Variants in WDPCP observed in about 807,000 individuals in gnomAD.
WDPCP encodes the protein WD repeat containing planar cell polarity effector.
A neutral mutation model predicts 93.1 loss-of-function variants in WDPCP; 71 were observed. The observed-to-expected ratio is 0.76, with a 90% confidence interval of 0.63 to 0.93. The LOEUF (loss-of-function observed/expected upper bound fraction) is 0.93, where lower values mean the gene tolerates loss of function less well. WDPCP is among the 40% of genes least tolerant of loss of function. The pLI is 0.00. For synonymous variants in WDPCP, 315 were observed against 315.0 expected (o/e 1.00, Z 0.00); for missense variants, 844 against 887.4 (o/e 0.95, Z 0.62).
chr2:63,519,808 G>A (rs1359080479), intron 1 of WDPCP, among the ~76,000 whole-genome samples: 3 of 152,022 alleles, frequency 2.0e-5, no homozygotes, highest in Non-Finnish European at 4.4e-5. Context: ...ACAAAAAATG[G>A]CAACTCAAAA....
intron 2 of WDPCP, among the ~76,000 whole-genome samples, chr2:63,767,211 A>G (rs991652282): frequency 1.3e-5 from 2 of 152,120 alleles, no homozygotes; most frequent in Non-Finnish European, 2.9e-5. Flanking sequence ...GTAATAGTGC[A>G]TTGTATATAT....
chr2:63,145,763 T>C (rs1184154069), intron 17 of WDPCP, among the ~76,000 whole-genome samples: 3 of 152,230 alleles, frequency 2.0e-5, no homozygotes, highest in Non-Finnish European at 4.4e-5. Context: ...GGTAGTTTAA[T>C]AGAAATAGCA....
chr2:63,349,039 G>A (rs1023273654), intron 12 of WDPCP, among the ~76,000 whole-genome samples: 1 of 152,208 alleles, frequency 6.6e-6, no homozygotes, highest in African/African-American at 2.4e-5. Flanking sequence ...GAGTTCTCCT[G>A]TTGAAGTAGG....
At chr2:63,196,662 A>T (rs1675457581) in intron 14 of WDPCP, among the ~76,000 whole-genome samples, 1 of 152,244 alleles carries the variant, frequency 6.6e-6, no homozygotes, top group Admixed American at 6.5e-5. Flanking sequence ...CTGACCAAGA[A>T]GCAGCAGACA....
At chr2:63,710,336 T>C (rs1387009184) in intron 2 of WDPCP, among the ~76,000 whole-genome samples, 1 of 152,238 alleles carries the variant, frequency 6.6e-6, no homozygotes, top group Non-Finnish European at 1.5e-5. Flanking sequence ...TGACACACAG[T>C]TCTCTCCATA....
intron 2 of WDPCP, among the ~76,000 whole-genome samples, chr2:63,489,047 G>A (rs1700724404): frequency 6.6e-6 from 1 of 152,042 alleles, no homozygotes; most frequent in Non-Finnish European, 1.5e-5. Context: ...GCAACAGCCT[G>A]GTGTAGGGTA....
intron 2 of WDPCP, among the ~76,000 whole-genome samples, chr2:63,798,815 C>T (rs955817382): frequency 4.6e-5 from 7 of 151,982 alleles, no homozygotes; most frequent in Non-Finnish European, 8.8e-5. Context: ...CCCAGTGATC[C>T]GTTGCCTCTA....
At chr2:63,222,633 G>A (rs1438449797) in intron 14 of WDPCP, among the ~76,000 whole-genome samples, 1 of 152,206 alleles carries the variant, frequency 6.6e-6, no homozygotes, top group East Asian at 1.9e-4. Flanking sequence ...GCTTAAGGCA[G>A]TGCCTGGAGG....
At chr2:63,528,789 A>G (rs969859753) in intron 1 of WDPCP, among the ~76,000 whole-genome samples, 1 of 152,178 alleles carries the variant, frequency 6.6e-6, no homozygotes, top group Admixed American at 6.5e-5. Context: ...CATTGAATCT[A>G]TAAATTACCT....
intron 14 of WDPCP, among the ~76,000 whole-genome samples, chr2:63,255,784 T>C (rs1476665958): frequency 6.6e-6 from 1 of 152,134 alleles, no homozygotes; most frequent in Non-Finnish European, 1.5e-5. Context: ...CGACATGATG[T>C]GGATGCAGAA....
chr2:63,601,005 T>G (rs75274505), intron 3 of WDPCP, among the ~76,000 whole-genome samples: 6,968 of 152,270 alleles, frequency 0.046, 193 homozygotes, highest in South Asian at 0.073. Context: ...CAAAGGTACT[T>G]CAAAGAGATA....
intron 2 of WDPCP, among the ~76,000 whole-genome samples, chr2:63,723,883 G>C (rs532649874): frequency 8.5e-5 from 13 of 152,294 alleles, no homozygotes; most frequent in Middle Eastern, 3.4e-3. Flanking sequence ...TGATAAATTT[G>C]TGTGGTATTA....
chr2:63,770,739 C>A (rs769806226), intron 2 of WDPCP, among the ~76,000 whole-genome samples: 4 of 151,790 alleles, frequency 2.6e-5, no homozygotes, highest in Non-Finnish European at 5.9e-5. Context: ...CATCCTTATT[C>A]CCTCACAAGT....
intron 1 of WDPCP, among the ~76,000 whole-genome samples, chr2:63,521,554 TTAGA>T (rs1189291402): frequency 6.6e-6 from 1 of 152,088 alleles, no homozygotes; most frequent in East Asian, 1.9e-4. Flanking sequence ...ACAAAGAGAC[TTAGA>T]TAAACACACA....
chr2:63,154,758 G>A (rs1672120977), intron 15 of WDPCP, among the ~76,000 whole-genome samples: 1 of 152,076 alleles, frequency 6.6e-6, no homozygotes, highest in African/African-American at 2.4e-5. Context: ...TACATTTCAT[G>A]CGACAATGAA....
At chr2:63,269,094 C>T (rs1682410773) in intron 13 of WDPCP, among the ~76,000 whole-genome samples, 1 of 151,882 alleles carries the variant, frequency 6.6e-6, no homozygotes, top group African/African-American at 2.4e-5. Flanking sequence ...TATCACAAGT[C>T]TAAATGGACA....
intron 15 of WDPCP, 39 bp downstream of exon 15, chr2:63,174,631 T>C (rs757539238): frequency 1.2e-6 from 2 of 1,611,814 alleles, no homozygotes; most frequent in Non-Finnish European, 1.7e-6. Context: ...TAATACTAAA[T>C]ACTTTATGGA....
chr2:63,832,429 T>TCG (rs1553458726), upstream of WDPCP, among the ~76,000 whole-genome samples: 4 of 150,254 alleles, frequency 2.7e-5, no homozygotes, highest in African/African-American at 7.3e-5. Context: ...GGTGTTGGGG[T>TCG]GGGGGGGGGA....
At chr2:63,405,581 G>GTGTGTGTGTGTGTGTGTC (rs1415564153) in intron 9 of WDPCP, among the ~76,000 whole-genome samples, 24 of 136,376 alleles carry the variant, frequency 1.8e-4, no homozygotes, top group African/African-American at 4.8e-4. Context: ...GTGTGTGTGT[G>GTGTGTGTGTGTGTGTGTC]TGTGTTGGCG....
Sources: allele counts gnomAD v4.1 joint callset (sites outside exome capture counted in the v4.1 genomes callset), GRCh38; gene constraint gnomAD v4.1.1; transcripts MANE v1.5; gene names NCBI Gene and HGNC (gene_info 2026-07-23, HGNC 2026-07-21).